MBD5: variants seen among roughly 807,000 people sequenced by gnomAD.
MBD5 encodes methyl-CpG binding domain protein 5.
MBD5 carries 13 observed loss-of-function variants against 117.3 expected under a neutral mutation model. The observed-to-expected ratio is 0.11, with a 90% confidence interval of 0.07 to 0.18. MBD5 has a LOEUF of 0.18. MBD5 is among the 10% of genes least tolerant of loss of function. The pLI, the probability that MBD5 is intolerant of heterozygous loss-of-function variation, is 1.00. For synonymous variants in MBD5, 727 were observed against 766.4 expected (o/e 0.95, Z 0.85); for missense variants, 1,879 against 2,093.8 (o/e 0.90, Z 2.00).
intron 1 of MBD5, among the ~76,000 whole-genome samples, chr2:148,074,957 G>T (rs1335687129): frequency 6.6e-6 from 1 of 152,156 alleles, no homozygotes; most frequent in Non-Finnish European, 1.5e-5. Context: ...GACCACCAGA[G>T]AAAAGCATCC....
At chr2:148,119,133 A>T (rs1347146418) in intron 1 of MBD5, among the ~76,000 whole-genome samples, 2 of 152,178 alleles carry the variant, frequency 1.3e-5, no homozygotes, top group Non-Finnish European at 2.9e-5. Context: ...TTACATTTCA[A>T]AAAACATAAT....
chr2:148,443,332 T>C (rs999654054), intron 4 of MBD5, among the ~76,000 whole-genome samples: 4 of 151,300 alleles, frequency 2.6e-5, no homozygotes, highest in African/African-American at 9.8e-5. Flanking sequence ...GAGAACAGTT[T>C]GGAGGTTCCT....
At chr2:148,373,765 A>G (rs1431727193) in intron 4 of MBD5, among the ~76,000 whole-genome samples, 1 of 152,308 alleles carries the variant, frequency 6.6e-6, no homozygotes, top group East Asian at 1.9e-4. Flanking sequence ...TCAGGTGACT[A>G]CAATTCTTTT....
intron 2 of MBD5, among the ~76,000 whole-genome samples, chr2:148,227,728 G>T (rs1448354878): frequency 6.6e-6 from 1 of 152,138 alleles, no homozygotes; most frequent in Non-Finnish European, 1.5e-5. Context: ...TCACCATATT[G>T]ATTCTTCCTA....
intron 8 of MBD5, chr2:148,471,534 G>A (rs1415957980): frequency 1.3e-5 from 2 of 152,136 alleles, no homozygotes; most frequent in African/African-American, 4.8e-5. Flanking sequence ...AAGCTAGTGT[G>A]TAGGTATAAT....
chr2:148,115,240 T>A (rs1696606133), intron 1 of MBD5, among the ~76,000 whole-genome samples: 1 of 152,162 alleles, frequency 6.6e-6, no homozygotes, highest in South Asian at 2.1e-4. Context: ...TATACAGACA[T>A]CTGTGTGCTT....
chr2:148,323,874 T>A (rs1008921571), intron 3 of MBD5, among the ~76,000 whole-genome samples: 23 of 152,230 alleles, frequency 1.5e-4, no homozygotes, highest in African/African-American at 5.1e-4. Context: ...ATTTTGGCTT[T>A]TGTTGCCATT....
At chr2:148,257,580 A>G (rs1253679013) in intron 3 of MBD5, among the ~76,000 whole-genome samples, 2 of 152,188 alleles carry the variant, frequency 1.3e-5, no homozygotes, top group South Asian at 2.1e-4. Flanking sequence ...ATGCTGCCAA[A>G]TGTCGCCACA....
intron 1 of MBD5, among the ~76,000 whole-genome samples, chr2:148,098,270 A>T (rs542964828): frequency 1.3e-4 from 20 of 152,216 alleles, no homozygotes; most frequent in Middle Eastern, 3.4e-3. Flanking sequence ...GGTATTTAAG[A>T]GGTATAGTTA....
intron 2 of MBD5, among the ~76,000 whole-genome samples, chr2:148,201,468 T>G (rs963592528): frequency 6.6e-6 from 1 of 152,182 alleles, no homozygotes; most frequent in African/African-American, 2.4e-5. Flanking sequence ...CAGAGGCGCC[T>G]TAACAACTCT....
intron 8 of MBD5, among the ~76,000 whole-genome samples, chr2:148,473,382 GT>G (rs752685851): frequency 1.4e-4 from 21 of 152,004 alleles, no homozygotes; most frequent in Non-Finnish European, 2.1e-4. Flanking sequence ...TGCTAGTCAT[GT>G]CATTCCAAGC....
intron 4 of MBD5, chr2:148,346,655 T>TTTCTTGTGG (rs1285887184): frequency 1.3e-5 from 2 of 151,908 alleles, no homozygotes; most frequent in African/African-American, 4.8e-5. Context: ...ATGCCAAATT[T>TTTCTTGTGG]TTCTTGTGGA....
At chr2:148,188,871 A>G (rs958688863) in intron 2 of MBD5, among the ~76,000 whole-genome samples, 1 of 151,710 alleles carries the variant, frequency 6.6e-6, no homozygotes, top group African/African-American at 2.4e-5. Context: ...AGGGAGTGCC[A>G]GACAGTGGGC....
Position 148,483,624 on chromosome 2 carries a change from C to A in MBD5, c.3033C>A (p.Thr1011=). The change falls in exon 9 of 14, where the codon ACC becomes ACA. Residue 1011 remains threonine (T), a synonymous_variant. Transcript: ENST00000642680. The part of the protein sequence containing the change: ...AMLPLPSFNL[T]ISDLLQQQNT... The stretch of plus-strand genomic sequence containing the variant: ...TTCCCCTGCCATCTTTCAATCTGAC[C>A]ATCTCAGATCTTTTGCAACAGCAAA... 6.4e-7 allele frequency: 1 copy of A among 1,552,186 alleles called. No homozygotes were observed.
intron 3 of MBD5, among the ~76,000 whole-genome samples, chr2:148,246,611 A>C (rs1464888484): frequency 1.3e-5 from 2 of 151,962 alleles, no homozygotes; most frequent in Non-Finnish European, 2.9e-5. Context: ...TCTACTAAAA[A>C]TACAAAAATT....
intron 2 of MBD5, among the ~76,000 whole-genome samples, chr2:148,228,505 T>A (rs1223508526): frequency 6.6e-6 from 1 of 152,180 alleles, no homozygotes; most frequent in African/African-American, 2.4e-5. Context: ...TTGCTGGATT[T>A]GGTTTGCCAG....
intron 4 of MBD5, among the ~76,000 whole-genome samples, chr2:148,385,691 CA>C (rs1424551112): frequency 2.0e-5 from 3 of 151,368 alleles, no homozygotes; most frequent in Non-Finnish European, 4.4e-5. Flanking sequence ...TTCACAATAG[CA>C]AAGACTTGGA....
intron 1 of MBD5, among the ~76,000 whole-genome samples, chr2:148,092,905 T>C (rs1311184202): frequency 6.6e-6 from 1 of 151,608 alleles, no homozygotes; most frequent in East Asian, 1.9e-4. Flanking sequence ...TTAGAAAAGC[T>C]AGCTTCTTAT....
intron 4 of MBD5, among the ~76,000 whole-genome samples, chr2:148,419,928 C>A (rs578132307): frequency 6.6e-6 from 1 of 152,202 alleles, no homozygotes; most frequent in South Asian, 2.1e-4. Context: ...TTTCTATCAG[C>A]TTCCCCAGAA....
Sources: allele counts gnomAD v4.1 joint callset (sites outside exome capture counted in the v4.1 genomes callset), GRCh38; gene constraint gnomAD v4.1.1; transcripts MANE v1.5; gene names NCBI Gene and HGNC (gene_info 2026-07-23, HGNC 2026-07-21).